Variants in MCM8 observed in about 807,000 individuals in gnomAD.
MCM8 encodes the protein minichromosome maintenance 8 homologous recombination repair factor, also known as DNA helicase MCM8.
In MCM8, 85 loss-of-function variants were observed where a neutral mutation model predicts 98.9. That is an observed-to-expected ratio of 0.86 (90% confidence interval 0.72 to 1.03). The LOEUF (loss-of-function observed/expected upper bound fraction) is 1.03, where lower values mean the gene tolerates loss of function less well. Ranked by LOEUF, MCM8 falls within the 50% of genes least tolerant of loss-of-function variation. MCM8 has a pLI of 0.00. For missense variants in MCM8, 951 were observed against 997.8 expected (o/e 0.95, Z 0.63); for synonymous variants, 352 against 338.6 (o/e 1.04, Z -0.44).
chr20:5,979,382 G>A (rs1040920314), intron 13 of MCM8, among the ~76,000 whole-genome samples: 8 of 151,950 alleles, frequency 5.3e-5, no homozygotes, highest in East Asian at 3.9e-4. Flanking sequence ...CTACCTATCC[G>A]TGAAAAATTC....
Position 5,988,748 on chromosome 20 carries a change from T to C in MCM8, c.2240+1390T>C, listed in dbSNP as rs139757724. ...CCAAGACCAAAAAATATATTGAAGA[T>C]GAAATTATCTAATTTTGTTAAGTAA... On this transcript the variant is annotated intron_variant, in intron 17 of 18. Transcript: ENST00000610722. Among the ~76,000 whole-genome samples the C allele has an allele frequency of 6.0e-3, 908 of 152,360 alleles. 4 individuals are homozygous for C. Among genetic ancestry groups the C allele is most frequent in the Middle Eastern group, 0.014 (4 of 294 alleles).
At position 5,963,284 on chromosome 20, in the gene MCM8, CT is replaced by C; in HGVS notation, c.801del (p.Val268CysfsTer29). 1 of 1,613,458 alleles carries C rather than the reference CT, an allele frequency of 6.2e-7. No individual in the cohort carries two copies. Among genetic ancestry groups the C allele is most frequent in the Middle Eastern group, 1.6e-4 (1 of 6,062 alleles). On this transcript the variant is annotated frameshift_variant, in exon 8 of 19. Transcript: ENST00000610722. LOFTEE classifies it high-confidence loss of function. ...KYSLPTKCPVPVCRGRSFTAL... is the reference protein window; with the variant it reads ...KYSLPTKCPVXVCRGRSFTAL... ...TTTTGTTTCATTCAGTGTCCTGTGC[CT>C]GTGTGTCGAGGCAGGTCATTTACTG...
chr20:5,955,742 A>G lies in MCM8; in HGVS notation c.486+491A>G, dbSNP rs544246479. Among the ~76,000 whole-genome samples, 14 of 152,238 alleles carry G rather than the reference A, an allele frequency of 9.2e-5. No individual in the cohort carries two copies. The East Asian group carries it at 1.5e-3, about 17-fold the overall frequency. ...TTCAGGGTCAGGTAATACAACATAT[A>G]TGAAAACATTTTTAACTTTTTAAAT... On this transcript the variant is annotated intron_variant, in intron 5 of 18. Coordinates refer to ENST00000610722, the MANE Select transcript of MCM8 (RefSeq NM_032485.6).
chr20:5,986,990 T>C (rs1197493698), intron 16 of MCM8, among the ~76,000 whole-genome samples: 1 of 152,034 alleles, frequency 6.6e-6, no homozygotes, highest in African/African-American at 2.4e-5. Flanking sequence ...CGCACCCAGC[T>C]AATTTGAAAA....
In MCM8 at chr20:5,982,541, C is replaced by T. The variant is rs191192207; in HGVS notation, c.1538-429C>T. Among the ~76,000 whole-genome samples, 633 of 152,174 alleles carry T rather than the reference C, an allele frequency of 4.2e-3. 3 individuals carry two copies. The highest frequency in any genetic ancestry group is 0.014 in the African/African-American group (573 of 41,526). On this transcript the variant is annotated intron_variant, in intron 13 of 18. Coordinates refer to ENST00000610722, the MANE Select transcript of MCM8 (RefSeq NM_032485.6). Reference sequence around the variant, plus strand: ...CTATAAGTGCATACAAGTGTATAGTCAATACCTGGTATAGGTTTTGAAATA... The same window carrying T: ...CTATAAGTGCATACAAGTGTATAGTTAATACCTGGTATAGGTTTTGAAATA...
At chr20:5,954,525 G>T in intron 3 of MCM8, 83 bp from the exon 4 acceptor site, 1 of 692,924 alleles carries the variant, frequency 1.4e-6, no homozygotes. Flanking sequence ...CATCTACCAT[G>T]TATATAGTGC....
At chr20:5,963,698 T>G (rs1398716441) in intron 8 of MCM8, among the ~76,000 whole-genome samples, 1 of 151,978 alleles carries the variant, frequency 6.6e-6, no homozygotes, top group East Asian at 1.9e-4. Flanking sequence ...TGGCTAATTT[T>G]TTTGTATTTT....
intron 4 of MCM8, 26 bp downstream of exon 4, chr20:5,954,716 C>G (rs1039005699): frequency 2.2e-6 from 3 of 1,334,934 alleles, no homozygotes; most frequent in Admixed American, 3.4e-5. Flanking sequence ...AGCAAAGCTA[C>G]CAGTCATGTG....
intron 10 of MCM8, among the ~76,000 whole-genome samples, chr20:5,968,790 G>A (rs989451124): frequency 6.6e-6 from 1 of 152,234 alleles, no homozygotes; most frequent in Non-Finnish European, 1.5e-5. Context: ...TCACTCAACG[G>A]AAGAGTGAGG....
chr20:5,979,891 GC>G, intron 13 of MCM8, among the ~76,000 whole-genome samples: 1 of 152,268 alleles, frequency 6.6e-6, no homozygotes, highest in Non-Finnish European at 1.5e-5. Context: ...GTGGCCCAGG[GC>G]CATTCATGTT....
At chr20:5,980,721 A>G (rs1236941537) in intron 13 of MCM8, among the ~76,000 whole-genome samples, 1 of 152,032 alleles carries the variant, frequency 6.6e-6, no homozygotes, top group East Asian at 1.9e-4. Context: ...AAAATACAAA[A>G]ATTAGTTGGG....
Position 5,983,927 on chromosome 20 carries a change from T to A in MCM8, c.1733+762T>A, listed in dbSNP as rs144332501. 1.6e-3 allele frequency among the ~76,000 whole-genome samples: 246 copies of A among 152,318 alleles called. 1 individual carries two copies. Among genetic ancestry groups the A allele is most frequent in the African/African-American group, 5.8e-3 (243 of 41,580 alleles). On this transcript the variant is annotated intron_variant, in intron 14 of 18. Coordinates refer to ENST00000610722, the MANE Select transcript of MCM8 (RefSeq NM_032485.6). ...CATTGGAAACACCTTAAAACTATAA[T>A]AAGACTGTAGTGATTATGAGAACGA...
intron 10 of MCM8, among the ~76,000 whole-genome samples, chr20:5,969,583 CTCTG>C (rs2089356484): frequency 7.1e-6 from 1 of 141,142 alleles, no homozygotes; most frequent in African/African-American, 2.8e-5. Context: ...CAGAGCAAGA[CTCTG>C]TCTCACAAAA....
intron 13 of MCM8, among the ~76,000 whole-genome samples, chr20:5,978,888 G>A (rs921819031): frequency 9.2e-5 from 14 of 152,178 alleles, no homozygotes; most frequent in Non-Finnish European, 1.5e-4. Context: ...TAGTTTTGCC[G>A]TATTGTAACT....
chr20:5,972,952 A>T, intron 11 of MCM8, 104 bp from the exon 12 acceptor site: 1 of 1,404,802 alleles, frequency 7.1e-7, no homozygotes, highest in Non-Finnish European at 9.5e-7. Context: ...TGCTTTTAAA[A>T]CAATCCCCAA....
intron 8 of MCM8, chr20:5,964,599 T>G (rs2089234600): frequency 6.6e-6 from 1 of 152,210 alleles, no homozygotes; most frequent in Non-Finnish European, 1.5e-5. Flanking sequence ...CAGATCAAAC[T>G]TCTTGTTCTA....
intron 12 of MCM8, among the ~76,000 whole-genome samples, chr20:5,974,521 A>G (rs956052681): frequency 6.6e-6 from 1 of 152,216 alleles, no homozygotes; most frequent in Non-Finnish European, 1.5e-5. Flanking sequence ...TTGTAGTAGT[A>G]TGGCTCCTAA....
intron 7 of MCM8, among the ~76,000 whole-genome samples, chr20:5,959,558 A>C (rs2089082274): frequency 6.6e-6 from 1 of 152,190 alleles, no homozygotes; most frequent in East Asian, 1.9e-4. Context: ...TTAAATAAAT[A>C]GCCACAATTT....
At chr20:5,954,781 C>A (rs569479506) in intron 4 of MCM8, 91 bp downstream of exon 4, 4 of 775,308 alleles carry the variant, frequency 5.2e-6, no homozygotes, top group Admixed American at 4.3e-5. Flanking sequence ...GCACTGGAGT[C>A]AGACTTCCTT....
Sources: allele counts gnomAD v4.1 joint callset (sites outside exome capture counted in the v4.1 genomes callset), GRCh38; gene constraint gnomAD v4.1.1; transcripts MANE v1.5; gene names NCBI Gene and HGNC (gene_info 2026-07-23, HGNC 2026-07-21).